Variants in ST6GAL1 observed in about 807,000 individuals in gnomAD.
ST6GAL1 encodes the protein beta-galactoside alpha-2,6-sialyltransferase 1.
Under a neutral mutation model 38.0 loss-of-function variants are expected in ST6GAL1, and 20 were observed. The observed-to-expected ratio is 0.53, with a 90% CI of 0.37 to 0.77. The LOEUF (loss-of-function observed/expected upper bound fraction) is 0.77. Among genes scored for constraint, ST6GAL1 ranks in the 30% least tolerant of loss-of-function variants. The probability of loss-of-function intolerance (pLI) is 0.00; values close to 1 mark genes in which losing one functional copy is unlikely to be tolerated. For missense variants in ST6GAL1, 432 were observed against 496.4 expected, an observed-to-expected ratio of 0.87 and a Z score of 1.23; for synonymous variants, 196 against 188.2, an observed-to-expected ratio of 1.04 and a Z score of -0.34.
intron 2 of ST6GAL1, among the ~76,000 whole-genome samples, chr3:187,005,746 G>A (rs1716766339): frequency 6.6e-6 from 1 of 152,176 alleles, no homozygotes; most frequent in South Asian, 2.1e-4. Flanking sequence ...AAAATAATAC[G>A]TATTTTGAAA....
chr3:186,969,644 G>A (rs900241366), intron 2 of ST6GAL1, among the ~76,000 whole-genome samples: 1 of 152,234 alleles, frequency 6.6e-6, no homozygotes, highest in African/African-American at 2.4e-5. Flanking sequence ...GGAGATGGAA[G>A]CAAGTAAGCT....
chr3:187,012,186 C>CT (rs1716975842), intron 2 of ST6GAL1, among the ~76,000 whole-genome samples: 1 of 152,206 alleles, frequency 6.6e-6, no homozygotes. Context: ...CTGTGGCTCT[C>CT]AATAAACTGT....
chr3:186,986,976 TA>T (rs11425294), intron 2 of ST6GAL1, among the ~76,000 whole-genome samples: 1 of 151,644 alleles, frequency 6.6e-6, no homozygotes. Flanking sequence ...TCTTTCCTTT[TA>T]AAAAAAAGTG....
chr3:187,027,061 T>A (rs1168935545), intron 2 of ST6GAL1, among the ~76,000 whole-genome samples: 7 of 148,972 alleles, frequency 4.7e-5, no homozygotes, highest in South Asian at 2.1e-4. Context: ...AAAAAATAAA[T>A]AAATAAATAA....
chr3:187,075,525 G>T lies in ST6GAL1; in HGVS notation c.980-37G>T. The T allele has an allele frequency of 6.2e-7, 1 of 1,606,660 alleles. No homozygotes were observed. The highest frequency in any genetic ancestry group is 8.5e-7 in the Non-Finnish European group (1 of 1,174,526). On this transcript the variant is annotated intron_variant, in intron 7 of 7. Coordinates refer to ENST00000169298, the MANE Select transcript of ST6GAL1 (RefSeq NM_173216.2). This position sits in a 1 kb window ranked among gnomAD's most constrained non-coding sequence, Gnocchi z 4.1. Reference sequence around the variant, plus strand: ...GCAGAGCTCTGGGGTGCTGGGGTGGGTTGTCAGGCATGACTCACCTCTGCT... The same window carrying T: ...GCAGAGCTCTGGGGTGCTGGGGTGGTTTGTCAGGCATGACTCACCTCTGCT...
chr3:187,072,763 G>A, intron 5 of ST6GAL1, 86 bp from the exon 6 acceptor site: 1 of 1,197,968 alleles, frequency 8.3e-7, no homozygotes, highest in Non-Finnish European at 1.2e-6. Context: ...GCCTCAGGCT[G>A]TACCTTGTGC....
chr3:187,005,269 CTTTTTTTTT>C (rs58085172), intron 2 of ST6GAL1, among the ~76,000 whole-genome samples: 3 of 103,956 alleles, frequency 2.9e-5, no homozygotes, highest in East Asian at 2.9e-4. Flanking sequence ...TTTTCTTTTT[CTTTTTTTTT>C]TTTTTTTTTT....
At chr3:187,059,424 A>G (rs955354724) in intron 5 of ST6GAL1, among the ~76,000 whole-genome samples, 8 of 152,214 alleles carry the variant, frequency 5.3e-5, no homozygotes, top group Admixed American at 2.0e-4. Context: ...AGGGAGCACT[A>G]AAACCTCATC....
chr3:187,005,053 T>C (rs1716736365), intron 2 of ST6GAL1, among the ~76,000 whole-genome samples: 1 of 143,152 alleles, frequency 7.0e-6, no homozygotes, highest in African/African-American at 2.6e-5. Flanking sequence ...CATTTTATGG[T>C]ATTGCAGTTT....
chr3:186,941,680 C>A (rs1714180490), intron 1 of ST6GAL1, among the ~76,000 whole-genome samples: 1 of 152,024 alleles, frequency 6.6e-6, no homozygotes, highest in Non-Finnish European at 1.5e-5. Flanking sequence ...AGCTGTGTTA[C>A]AAGGAAGCCA....
chr3:186,970,219 T>C (rs1283323936), intron 2 of ST6GAL1, among the ~76,000 whole-genome samples: 1 of 149,802 alleles, frequency 6.7e-6, no homozygotes. Context: ...CTTTTTCTTT[T>C]TTTTTTTTTT....
intron 2 of ST6GAL1, chr3:187,022,011 A>G (rs555186777): frequency 2.6e-5 from 4 of 152,342 alleles, no homozygotes; most frequent in Admixed American, 1.3e-4. Flanking sequence ...AAATGTAAGT[A>G]GGGTGTTTCC....
intron 6 of ST6GAL1, 109 bp from the exon 7 acceptor site, chr3:187,074,050 C>T (rs1359305115): frequency 1.9e-6 from 2 of 1,029,836 alleles, no homozygotes; most frequent in Non-Finnish European, 2.8e-6. Context: ...TCAGGAGCAA[C>T]ACTTGTTGAT....
At chr3:187,067,335 C>A (rs1396666368) in intron 5 of ST6GAL1, among the ~76,000 whole-genome samples, 1 of 151,238 alleles carries the variant, frequency 6.6e-6, no homozygotes, top group Admixed American at 6.6e-5. Context: ...GATCTGCCCA[C>A]CTCAGCTTCC....
intron 1 of ST6GAL1, among the ~76,000 whole-genome samples, chr3:186,942,997 C>T (rs114468760): frequency 0.011 from 1,725 of 152,284 alleles, 33 homozygotes; most frequent in African/African-American, 0.039. Context: ...GCCACTGTGC[C>T]GGGACTGCAG....
chr3:187,026,332 CTG>C (rs773251417), intron 2 of ST6GAL1, among the ~76,000 whole-genome samples: 1 of 152,158 alleles, frequency 6.6e-6, no homozygotes, highest in Non-Finnish European at 1.5e-5. Flanking sequence ...TCTGGGGACT[CTG>C]TGAAGCACAT....
intron 2 of ST6GAL1, among the ~76,000 whole-genome samples, chr3:187,008,216 C>T (rs115497921): frequency 1.3e-5 from 2 of 152,076 alleles, no homozygotes; most frequent in Non-Finnish European, 2.9e-5. Flanking sequence ...TTAATAACAA[C>T]TCCTCAGCCA....
chr3:186,949,104 A>G (rs894004442), intron 1 of ST6GAL1, among the ~76,000 whole-genome samples: 5 of 152,214 alleles, frequency 3.3e-5, no homozygotes, highest in African/African-American at 1.2e-4. Flanking sequence ...TGCCAATTCT[A>G]GCCTTGGAAA....
intron 2 of ST6GAL1, among the ~76,000 whole-genome samples, chr3:187,026,313 G>A (rs1267792598): frequency 6.6e-6 from 1 of 152,196 alleles, no homozygotes; most frequent in African/African-American, 2.4e-5. Flanking sequence ...GACAGCCTGG[G>A]CAGGCTCCTC....
Sources: allele counts gnomAD v4.1 joint callset (sites outside exome capture counted in the v4.1 genomes callset), GRCh38; gene constraint gnomAD v4.1.1; non-coding constraint Gnocchi (gnomAD v3.1); transcripts MANE v1.5; gene names NCBI Gene and HGNC (gene_info 2026-07-23, HGNC 2026-07-21).